The following PCDHGA5 variants were observed in gnomAD, a reference collection of about 807,000 sequenced individuals.
PCDHGA5 encodes protocadherin gamma subfamily A, 5.
PCDHGA5 carries 36 observed loss-of-function variants against 56.7 expected under a neutral mutation model. The observed-to-expected ratio is 0.64, with a 90% CI of 0.49 to 0.84. The LOEUF is 0.84. Among genes scored for constraint, PCDHGA5 ranks in the 40% least tolerant of loss-of-function variants. The pLI, the probability that PCDHGA5 is intolerant of heterozygous loss-of-function variation, is 0.00. For missense variants in PCDHGA5, 1,305 were observed against 1,201.5 expected, an observed-to-expected ratio of 1.09 and a Z score of -1.27; for synonymous variants, 563 against 520.2, an observed-to-expected ratio of 1.08 and a Z score of -1.12.
intron 1 of PCDHGA5, among the ~76,000 whole-genome samples, chr5:141,492,226 C>T (rs1365682179): frequency 6.6e-6 from 1 of 152,178 alleles, no homozygotes; most frequent in Non-Finnish European, 1.5e-5. Flanking sequence ...CATGCGTGTC[C>T]TCCCTGCTGG....
intron 1 of PCDHGA5, chr5:141,405,392 T>C: frequency 6.3e-7 from 1 of 1,596,104 alleles, no homozygotes; most frequent in Non-Finnish European, 8.5e-7. Flanking sequence ...TTCATTTTTT[T>C]TCTTTCTTTC....
chr5:141,392,894 G>A (rs1327938971), intron 1 of PCDHGA5: 14 of 1,613,802 alleles, frequency 8.7e-6, no homozygotes, highest in Non-Finnish European at 1.2e-5. Flanking sequence ...GGGAAATCGG[G>A]AGGGGACAGA....
chr5:141,398,203 T>C (rs1365410987), intron 1 of PCDHGA5: 2 of 1,489,610 alleles, frequency 1.3e-6, no homozygotes. Flanking sequence ...GTCTTTGTTC[T>C]GCCCGGCGCT....
At chr5:141,381,370 G>A (rs562934988) in intron 1 of PCDHGA5, among the ~76,000 whole-genome samples, 1 of 152,320 alleles carries the variant, frequency 6.6e-6, no homozygotes, top group East Asian at 1.9e-4. Context: ...GGTAGCCTCG[G>A]ATCCATCAAT....
intron 1 of PCDHGA5, chr5:141,371,724 G>A (rs747047802): frequency 1.2e-6 from 2 of 1,614,056 alleles, no homozygotes; most frequent in South Asian, 2.2e-5. Flanking sequence ...GCACATCCTT[G>A]ATGTCAACGA....
chr5:141,431,375 G>C lies in PCDHGA5; in HGVS notation c.2422-63432G>C. ...ACGCGCCCTGGACCGCGAAGAAAAG[G>C]CTGCTCACCACCTGGTCCTTACGGC... On this transcript the variant is annotated intron_variant, in intron 1 of 3. Transcript: ENST00000518069. This position sits in a 1 kb window ranked among gnomAD's most constrained non-coding sequence, Gnocchi z 4.8. 6.2e-7 allele frequency: 1 copy of C among 1,613,422 alleles called. No individual in the cohort carries two copies. The highest frequency in any genetic ancestry group is 8.5e-7 in the Non-Finnish European group (1 of 1,179,570).
chr5:141,459,579 T>G (rs1047850142), intron 1 of PCDHGA5, among the ~76,000 whole-genome samples: 2 of 152,212 alleles, frequency 1.3e-5, no homozygotes, highest in African/African-American at 4.8e-5. Context: ...AGAATTGTTT[T>G]GGGGGTCATA....
chr5:141,436,167 G>A (rs933669166), intron 1 of PCDHGA5, among the ~76,000 whole-genome samples: 2 of 152,088 alleles, frequency 1.3e-5, no homozygotes, highest in Non-Finnish European at 2.9e-5. Flanking sequence ...CATATGGACA[G>A]TTCTCATATA....
At chr5:141,403,836 A>G (rs370798833) in intron 1 of PCDHGA5, 8 of 1,613,670 alleles carry the variant, frequency 5.0e-6, no homozygotes, top group African/African-American at 1.3e-5. Context: ...TTCCAGCTTA[A>G]TGAAAATACT....
chr5:141,408,469 A>G (rs1454570616), intron 1 of PCDHGA5: 2 of 1,614,078 alleles, frequency 1.2e-6, no homozygotes, highest in South Asian at 2.2e-5. Flanking sequence ...TGAAGAACCG[A>G]ATAGACCGTG....
intron 1 of PCDHGA5, among the ~76,000 whole-genome samples, chr5:141,475,204 A>G (rs2099360413): frequency 6.6e-6 from 1 of 152,176 alleles, no homozygotes; most frequent in African/African-American, 2.4e-5. Flanking sequence ...AGATCTTGGG[A>G]AAAGGATTGA....
At chr5:141,390,096 C>G in intron 1 of PCDHGA5, 1 of 1,614,030 alleles carries the variant, frequency 6.2e-7, no homozygotes, top group Non-Finnish European at 8.5e-7. Context: ...ATCCGTGGTT[C>G]CCCCCAACTA....
intron 1 of PCDHGA5, chr5:141,384,047 C>T (rs775378618): frequency 4.3e-6 from 7 of 1,612,190 alleles, no homozygotes; most frequent in African/African-American, 1.3e-5. Flanking sequence ...GGTGAGGTGA[C>T]CTGCACCATT....
intron 1 of PCDHGA5, chr5:141,478,480 G>T: frequency 2.5e-6 from 4 of 1,613,564 alleles, no homozygotes; most frequent in Non-Finnish European, 3.4e-6. Flanking sequence ...GCCAGAACAC[G>T]CTGCGGAGCT....
intron 1 of PCDHGA5, chr5:141,404,354 G>A (rs749866543): frequency 6.2e-7 from 1 of 1,613,916 alleles, no homozygotes; most frequent in Non-Finnish European, 8.5e-7. Flanking sequence ...CAACGCCAGA[G>A]GTACTTCCAT....
Position 141,485,337 on chromosome 5 carries a change from A to G in PCDHGA5, c.2422-9470A>G, listed in dbSNP as rs147409155. On this transcript the variant is annotated intron_variant, in intron 1 of 3. Transcript: ENST00000518069. The surrounding 1 kb of genome is among the most constrained non-coding windows in gnomAD (Gnocchi z 5.7). ...AATGTCGCTCAAGATTTCCTGCTGG[A>G]TACGGACAGTCTGTCAGCTCGCAGG... 4.3e-5 allele frequency: 70 copies of G among 1,614,012 alleles called. No individual in the cohort carries two copies. Among genetic ancestry groups the G allele is most frequent in the Non-Finnish European group, 5.7e-5 (67 of 1,180,016 alleles).
Position 141,475,033 on chromosome 5 carries a change from A to G in PCDHGA5, c.2422-19774A>G, listed in dbSNP as rs1223709259. 2.0e-5 allele frequency among the ~76,000 whole-genome samples: 3 copies of G among 152,362 alleles called. No individual in the cohort carries two copies. In the East Asian group the frequency reaches 5.8e-4, roughly 29 times the overall value. ...TTAAGGCTCTTTATTCTGTGACTAA[A>G]GGCTTTGTATTTTCTAAAGATTTGT... is the stretch of plus-strand genomic sequence containing the variant. On this transcript the variant is annotated intron_variant, in intron 1 of 3. Transcript: ENST00000518069.
At chr5:141,435,215 C>G (rs4912753) in intron 1 of PCDHGA5, among the ~76,000 whole-genome samples, 81,908 of 151,924 alleles carry the variant, frequency 0.54, 24,122 homozygotes, top group African/African-American at 0.79. Flanking sequence ...AGTGAATTTA[C>G]TTTCTTTCAA....
chr5:141,393,623 T>A (rs1446921809), intron 1 of PCDHGA5: 2 of 1,613,916 alleles, frequency 1.2e-6, no homozygotes, highest in African/African-American at 2.7e-5. Flanking sequence ...GCGACCCGGA[T>A]GAGGGAATCA....
Sources: gnomAD v4.1 joint callset for allele counts (sites outside exome capture counted in the v4.1 genomes callset) on GRCh38, gnomAD v4.1.1 for gene constraint, Gnocchi (gnomAD v3.1) non-coding constraint, MANE v1.5 for transcripts, NCBI Gene and HGNC (gene_info 2026-07-23, HGNC 2026-07-21) for gene names.